NEO1: variants seen among roughly 807,000 people sequenced by gnomAD.
The protein encoded by NEO1 is neogenin.
NEO1 carries 63 observed loss-of-function variants against 159.7 expected under a neutral mutation model. The observed-to-expected ratio is 0.39, with a 90% CI of 0.32 to 0.49. NEO1 has a LOEUF of 0.49. Among genes scored for constraint, NEO1 ranks in the 20% least tolerant of loss-of-function variants. The pLI, the probability that NEO1 is intolerant of heterozygous loss-of-function variation, is 0.85. For synonymous variants in NEO1, 633 were observed against 662.0 expected (o/e 0.96, Z 0.67); for missense variants, 1,615 against 1,831.0 (o/e 0.88, Z 2.15).
At chr15:73,280,211 G>A (rs1242454693) in intron 22 of NEO1, among the ~76,000 whole-genome samples, 12 of 151,884 alleles carry the variant, frequency 7.9e-5, no homozygotes, top group East Asian at 1.9e-4. Context: ...ACTTGAACCC[G>A]GGAGGCAGAG....
Position 73,122,450 on chromosome 15 carries a change from G to T in NEO1, c.449-75G>T, listed in dbSNP as rs573275057. 27 of 1,410,368 alleles carry T rather than the reference G, an allele frequency of 1.9e-5. No homozygotes were observed. The South Asian group carries it at 3.3e-4, about 17-fold the overall frequency. The allele number at this position is 1,410,368 out of a possible 1,614,324, so 87.4% of individuals were successfully genotyped here. On this transcript the variant is annotated intron_variant, in intron 2 of 28. Transcript: ENST00000261908. ...ATGTTGTAGCCATGTGAGCTGACTTGCTCCTGGCTCCCAAGACAAAATTTT... is the reference window on the plus strand; with the variant it reads ...ATGTTGTAGCCATGTGAGCTGACTTTCTCCTGGCTCCCAAGACAAAATTTT...
intron 6 of NEO1, among the ~76,000 whole-genome samples, chr15:73,176,986 A>G (rs896113107): frequency 1.3e-5 from 2 of 152,212 alleles, no homozygotes; most frequent in African/African-American, 4.8e-5. Context: ...ATAATATGTA[A>G]GAATGCAACT....
intron 1 of NEO1, among the ~76,000 whole-genome samples, chr15:73,054,677 G>T (rs2067616226): frequency 6.6e-6 from 1 of 152,102 alleles, no homozygotes; most frequent in Non-Finnish European, 1.5e-5. Flanking sequence ...GTTTAATTGG[G>T]TCTAGAACAT....
At chr15:73,057,695 A>G (rs1402697814) in intron 1 of NEO1, among the ~76,000 whole-genome samples, 2 of 152,192 alleles carry the variant, frequency 1.3e-5, no homozygotes, top group East Asian at 3.8e-4. Context: ...AAAAAAAGGC[A>G]TTCAGACCCA....
chr15:73,052,827 G>A (rs776879290), intron 1 of NEO1, 22 bp downstream of exon 1: 80 of 583,756 alleles, frequency 1.4e-4, no homozygotes, highest in Non-Finnish European at 1.6e-4. Context: ...GCGCGGGCCC[G>A]GGGGTTCGCG....
chr15:73,128,767 G>A (rs1319822529), intron 4 of NEO1, among the ~76,000 whole-genome samples: 2 of 152,206 alleles, frequency 1.3e-5, no homozygotes, highest in African/African-American at 4.8e-5. Flanking sequence ...ATGATTCTCA[G>A]ACTGGGGTCT....
rs774841332 is a variant in NEO1, at chr15:73,254,717, C to T, written c.1980C>T (p.Ala660=). ...TTCACTGGCAGCCACCTGCTCCAGC[C>T]ACACAAAATGGGCAGATTACTGGCT... The part of the protein sequence containing the change: ...IMIHWQPPAP[A]TQNGQITGYK... The change falls in exon 13 of 29, where the codon GCC becomes GCT. Residue 660 remains alanine, a synonymous_variant. Coordinates refer to ENST00000261908, the MANE Select transcript of NEO1 (RefSeq NM_002499.4). 1 of 1,613,924 alleles carries T rather than the reference C, an allele frequency of 6.2e-7. No individual in the cohort carries two copies. Among genetic ancestry groups the T allele is most frequent in the South Asian group, 1.1e-5 (1 of 91,054 alleles).
intron 1 of NEO1, among the ~76,000 whole-genome samples, chr15:73,090,253 A>G (rs1232294096): frequency 6.6e-6 from 1 of 152,050 alleles, no homozygotes; most frequent in East Asian, 1.9e-4. Flanking sequence ...GGAGTGCAGT[A>G]GCGCAATCTT....
At chr15:73,208,432 T>G (rs768111063) in intron 7 of NEO1, among the ~76,000 whole-genome samples, 1 of 152,258 alleles carries the variant, frequency 6.6e-6, no homozygotes, top group Non-Finnish European at 1.5e-5. Flanking sequence ...AGGGTATTCT[T>G]TCTCACAAGA....
chr15:73,166,349 G>A (rs1033982429), intron 5 of NEO1, among the ~76,000 whole-genome samples: 4 of 152,128 alleles, frequency 2.6e-5, no homozygotes, highest in African/African-American at 4.8e-5. Context: ...CCTCTTCTGG[G>A]CATGTTACCA....
At chr15:73,070,746 CAT>C (rs537392969) in intron 1 of NEO1, among the ~76,000 whole-genome samples, 139 of 152,174 alleles carry the variant, frequency 9.1e-4, no homozygotes, top group African/African-American at 3.1e-3. Flanking sequence ...ACAGTTATGA[CAT>C]ATTGTCATAA....
intron 7 of NEO1, among the ~76,000 whole-genome samples, chr15:73,202,067 G>A (rs992162959): frequency 4.7e-5 from 7 of 148,338 alleles, no homozygotes; most frequent in South Asian, 2.1e-4. Flanking sequence ...GGGTTCAAGC[G>A]ATTCTCCTGC....
chr15:73,300,340 C>A (rs1457953594), intron 27 of NEO1, among the ~76,000 whole-genome samples: 1 of 152,200 alleles, frequency 6.6e-6, no homozygotes, highest in Non-Finnish European at 1.5e-5. Context: ...TAAAAGATGT[C>A]TCAAGAACCA....
intron 1 of NEO1, among the ~76,000 whole-genome samples, chr15:73,089,652 G>C (rs971948142): frequency 6.6e-6 from 1 of 151,290 alleles, no homozygotes; most frequent in Admixed American, 6.6e-5. Flanking sequence ...AGGCTTCCCA[G>C]TGTTGACAAA....
chr15:73,068,231 C>CACCCCCG (rs376522583), intron 1 of NEO1, among the ~76,000 whole-genome samples: 1 of 120,562 alleles, frequency 8.3e-6, no homozygotes, highest in South Asian at 3.2e-4. Context: ...CTACCCCCCC[C>CACCCCCG]CCTTTTTTTT....
intron 1 of NEO1, among the ~76,000 whole-genome samples, chr15:73,059,527 CTG>C (rs1353946235): frequency 6.6e-6 from 1 of 152,124 alleles, no homozygotes; most frequent in Admixed American, 6.5e-5. Flanking sequence ...CAAAACTACA[CTG>C]TGGAAATAAA....
chr15:73,093,524 CTTTAT>C (rs1003904167), intron 1 of NEO1, among the ~76,000 whole-genome samples: 2 of 148,882 alleles, frequency 1.3e-5, no homozygotes, highest in Admixed American at 1.3e-4. Context: ...TCCAGTAATC[CTTTAT>C]TTTGTTGCTT....
At chr15:73,116,981 A>G in intron 2 of NEO1, 124 bp downstream of exon 2, 2 of 764,924 alleles carry the variant, frequency 2.6e-6, no homozygotes, top group Middle Eastern at 3.9e-4. Flanking sequence ...TTTAACAGAT[A>G]TCAATTGTGC....
chr15:73,288,624 T>G (rs1398791206), intron 24 of NEO1, 73 bp downstream of exon 24: 3 of 1,342,732 alleles, frequency 2.2e-6, no homozygotes, highest in Admixed American at 1.9e-5. Context: ...TTTTTTTCCC[T>G]GAGTTTGCCT....
Sources: gnomAD v4.1 joint callset for allele counts (sites outside exome capture counted in the v4.1 genomes callset) on GRCh38, gnomAD v4.1.1 for gene constraint, MANE v1.5 for transcripts, NCBI Gene and HGNC (gene_info 2026-07-23, HGNC 2026-07-21) for gene names.